Variants in THAP8 observed in about 807,000 individuals in gnomAD.
THAP8 encodes THAP domain containing 8.
A neutral mutation model predicts 25.0 loss-of-function variants in THAP8; 24 were observed. The observed-to-expected ratio is 0.96, with a 90% CI of 0.69 to 1.35. THAP8 has a LOEUF of 1.35. THAP8 is among the 40% of genes most tolerant of loss of function. The pLI is 0.00. For missense variants in THAP8, 399 were observed against 368.8 expected (o/e 1.08, Z -0.67); for synonymous variants, 169 against 157.6 (o/e 1.07, Z -0.54).
chr19:36,037,971 G>C (rs895432051), intron 3 of THAP8, among the ~76,000 whole-genome samples: 1 of 151,610 alleles, frequency 6.6e-6, no homozygotes, highest in Admixed American at 6.6e-5. Context: ...TTGAGATGGC[G>C]TCTCGCTCTG....
intron 2 of THAP8, 47 bp downstream of exon 2, chr19:36,039,897 G>A (rs765486386): frequency 4.7e-5 from 76 of 1,608,620 alleles, no homozygotes; most frequent in Non-Finnish European, 6.4e-5. Flanking sequence ...CCTTAGGCAG[G>A]GAGGTCTGGG....
intron 1 of THAP8, among the ~76,000 whole-genome samples, chr19:36,043,462 G>A (rs1468524795): frequency 6.6e-6 from 1 of 152,154 alleles, no homozygotes. Flanking sequence ...AAGTTCTGGA[G>A]ATTGGTTATA....
chr19:36,044,050 C>T (rs1158086996), intron 1 of THAP8, among the ~76,000 whole-genome samples: 2 of 152,060 alleles, frequency 1.3e-5, no homozygotes, highest in African/African-American at 4.8e-5. Context: ...GATGGTAATC[C>T]ACTCTCTATT....
At chr19:36,037,524 C>T (rs1969519116) in intron 3 of THAP8, among the ~76,000 whole-genome samples, 1 of 152,172 alleles carries the variant, frequency 6.6e-6, no homozygotes, top group East Asian at 1.9e-4. Context: ...GGTTTGAATC[C>T]TGGCCCTGAA....
At chr19:36,041,907 C>T (rs1194034492) in intron 1 of THAP8, among the ~76,000 whole-genome samples, 1 of 151,948 alleles carries the variant, frequency 6.6e-6, no homozygotes, top group Non-Finnish European at 1.5e-5. Context: ...GTAGCAAGAC[C>T]TTGTCTCTAC....
intron 1 of THAP8, among the ~76,000 whole-genome samples, chr19:36,041,590 A>T (rs1399445002): frequency 6.6e-6 from 1 of 152,234 alleles, no homozygotes; most frequent in Non-Finnish European, 1.5e-5. Context: ...GTCTTTAAAC[A>T]ACTCAACAAC....
Position 36,041,759 on chromosome 19 carries a change from A to T in THAP8, c.84-1623T>A, listed in dbSNP as rs149202988. 1.9e-3 allele frequency among the ~76,000 whole-genome samples: 282 copies of T among 152,268 alleles called. 3 individuals are homozygous for T. Among genetic ancestry groups the T allele is most frequent in the African/African-American group, 6.6e-3 (275 of 41,546 alleles). On this transcript the variant is annotated intron_variant, in intron 1 of 3. Transcript: ENST00000292894. ...GAACCCTGATGAAATATCATCTGAC[A>T]AACACCAGAACAGCTACTATTGAAC... is the stretch of plus-strand genomic sequence containing the variant.
At chr19:36,038,892 G>C (rs1969576894) in intron 3 of THAP8, among the ~76,000 whole-genome samples, 1 of 151,938 alleles carries the variant, frequency 6.6e-6, no homozygotes, top group East Asian at 1.9e-4. Flanking sequence ...CCAGCTCAAA[G>C]GGTCATAGTG....
At chr19:36,046,388 C>T (rs1344912618) in intron 1 of THAP8, among the ~76,000 whole-genome samples, 1 of 152,142 alleles carries the variant, frequency 6.6e-6, no homozygotes, top group East Asian at 1.9e-4. Context: ...TGAGAACAGA[C>T]TAAGACACAT....
At position 36,047,738 on chromosome 19, in the gene THAP8, G is replaced by A. The variant is rs557426569; in HGVS notation, c.83+6397C>T. On this transcript the variant is annotated intron_variant, in intron 1 of 3. Transcript: ENST00000292894. ...CCAGCTACTTGGGTGGCTGAGGCAT[G>A]AGAATCCCTAGAACCCAGGAGGTGG... is the stretch of plus-strand genomic sequence containing the variant. Among the ~76,000 whole-genome samples, 5 of 151,990 alleles carry A rather than the reference G, an allele frequency of 3.3e-5. No homozygotes were observed. In the East Asian group the frequency reaches 9.7e-4, roughly 29 times the overall value.
chr19:36,041,699 T>C (rs538641887), intron 1 of THAP8, among the ~76,000 whole-genome samples: 12 of 152,194 alleles, frequency 7.9e-5, no homozygotes, highest in African/African-American at 2.4e-4. Flanking sequence ...GAAAAGATAC[T>C]TGACATCTCC....
intron 1 of THAP8, among the ~76,000 whole-genome samples, chr19:36,041,188 T>G (rs1165978975): frequency 6.6e-6 from 1 of 151,646 alleles, no homozygotes; most frequent in African/African-American, 2.4e-5. Flanking sequence ...GGTACATGCC[T>G]GTAGTCCCAG....
At chr19:36,041,310 T>C (rs574123530) in intron 1 of THAP8, among the ~76,000 whole-genome samples, 44 of 150,612 alleles carry the variant, frequency 2.9e-4, no homozygotes, top group African/African-American at 1.1e-3. Flanking sequence ...AGACCCTGTC[T>C]TTAAAAAAAA....
chr19:36,038,767 C>T (rs537633251), intron 3 of THAP8, among the ~76,000 whole-genome samples: 1 of 151,692 alleles, frequency 6.6e-6, no homozygotes, highest in African/African-American at 2.4e-5. Context: ...AGGACAATCG[C>T]TTGAACCTGG....
At chr19:36,035,859 GAC>G (rs1369415569) in intron 3 of THAP8, among the ~76,000 whole-genome samples, 1 of 152,056 alleles carries the variant, frequency 6.6e-6, no homozygotes, top group African/African-American at 2.4e-5. Context: ...TGTGCAGGCA[GAC>G]AGACGTACAG....
At chr19:36,049,046 T>C (rs1228496086) in intron 1 of THAP8, among the ~76,000 whole-genome samples, 1 of 151,748 alleles carries the variant, frequency 6.6e-6, no homozygotes, top group Non-Finnish European at 1.5e-5. Context: ...GATGACCCCA[T>C]TGCCACTGTC....
intron 1 of THAP8, chr19:36,046,050 C>T: frequency 2.7e-6 from 1 of 367,620 alleles, no homozygotes; most frequent in Non-Finnish European, 5.3e-6. Context: ...TGGTTTGGCT[C>T]TGTGTCCCCA....
chr19:36,036,235 T>C (rs1412028104), intron 3 of THAP8, among the ~76,000 whole-genome samples: 1 of 150,524 alleles, frequency 6.6e-6, no homozygotes, highest in Non-Finnish European at 1.5e-5. Flanking sequence ...CCAAGCCCAG[T>C]GCTGCTAGAT....
chr19:36,042,286 A>G (rs545209693), intron 1 of THAP8, among the ~76,000 whole-genome samples: 1 of 152,264 alleles, frequency 6.6e-6, no homozygotes, highest in East Asian at 1.9e-4. Context: ...TACATACCCA[A>G]AAGAACACAA....
Sources: gnomAD v4.1 joint callset for allele counts (sites outside exome capture counted in the v4.1 genomes callset) on GRCh38, gnomAD v4.1.1 for gene constraint, MANE v1.5 for transcripts, NCBI Gene and HGNC (gene_info 2026-07-23, HGNC 2026-07-21) for gene names.